Variants in FTCDNL1 observed in about 807,000 individuals in gnomAD.
The protein encoded by FTCDNL1 is formiminotransferase N-terminal subdomain-containing protein.
FTCDNL1 carries 11 observed loss-of-function variants against 5.9 expected under a neutral mutation model. That is an observed-to-expected ratio of 1.87 (90% CI 1.18 to 3.10). The LOEUF is 3.10. Ranked by LOEUF, FTCDNL1 falls within the 30% of genes most tolerant of loss-of-function variation. The pLI is 0.00. For synonymous variants in FTCDNL1, 58 were observed against 24.8 expected (o/e 2.34, Z -3.99); for missense variants, 115 against 65.5 (o/e 1.76, Z -2.61).
At chr2:199,819,522 A>G (rs1369602194) in intron 4 of FTCDNL1, 50 bp downstream of exon 4, 2 of 684,154 alleles carry the variant, frequency 2.9e-6, no homozygotes, top group African/African-American at 3.6e-5. Context: ...GGGGACCTCA[A>G]GTTTAAAAAA....
the FTCDNL1 span, among the ~76,000 whole-genome samples, chr2:199,745,205 G>A: frequency 7.2e-5 from 11 of 152,188 alleles, no homozygotes; most frequent in Non-Finnish European, 1.2e-4. Flanking sequence ...GGTTACTAAC[G>A]CCTATTACAT....
chr2:199,704,657 C>G, the FTCDNL1 span, among the ~76,000 whole-genome samples: 1 of 151,960 alleles, frequency 6.6e-6, no homozygotes, highest in Non-Finnish European at 1.5e-5. Flanking sequence ...CTGTACAGTG[C>G]AGAAAGAAAA....
At chr2:199,732,499 T>C in the FTCDNL1 span, among the ~76,000 whole-genome samples, 3 of 152,208 alleles carry the variant, frequency 2.0e-5, no homozygotes, top group Non-Finnish European at 2.9e-5. Context: ...AGAAATTATT[T>C]TGATGTCCAT....
intron 1 of FTCDNL1, among the ~76,000 whole-genome samples, chr2:199,850,414 G>C (rs369577524): frequency 7.9e-5 from 12 of 152,216 alleles, no homozygotes; most frequent in African/African-American, 2.9e-4. Context: ...ACCCCTAACA[G>C]TGCAAAAGAA....
At chr2:199,748,650 G>T in the FTCDNL1 span, among the ~76,000 whole-genome samples, 2 of 152,094 alleles carry the variant, frequency 1.3e-5, no homozygotes, top group Non-Finnish European at 2.9e-5. Flanking sequence ...TACTATTAGC[G>T]ATAGTTCTAA....
chr2:199,735,916 C>T, the FTCDNL1 span, among the ~76,000 whole-genome samples: 4 of 152,268 alleles, frequency 2.6e-5, no homozygotes, highest in South Asian at 2.1e-4. Flanking sequence ...CATACGACAG[C>T]GGACAAATCT....
the FTCDNL1 span, among the ~76,000 whole-genome samples, chr2:199,730,056 C>A: frequency 6.6e-6 from 1 of 152,190 alleles, no homozygotes; most frequent in Admixed American, 6.5e-5. Flanking sequence ...CACACATCCA[C>A]AACCATCTGA....
the FTCDNL1 span, among the ~76,000 whole-genome samples, chr2:199,708,819 A>G: frequency 1.3e-5 from 2 of 152,174 alleles, no homozygotes; most frequent in Non-Finnish European, 2.9e-5. Context: ...TTATTTGTGC[A>G]TGCCTTAGTA....
the FTCDNL1 span, among the ~76,000 whole-genome samples, chr2:199,745,923 C>T: frequency 6.6e-6 from 1 of 152,164 alleles, no homozygotes; most frequent in Non-Finnish European, 1.5e-5. Context: ...GGGTTCAAAG[C>T]ATTGCTTTTT....
Position 199,836,130 on chromosome 2 carries a change from T to C in FTCDNL1, c.211+9945A>G, listed in dbSNP as rs181452913. On this transcript the variant is annotated intron_variant, in intron 3 of 4. Coordinates refer to ENST00000420128, the MANE Select transcript of FTCDNL1 (RefSeq NM_001363886.2). Reference sequence around the variant, plus strand: ...ATTTGTTCCAATTAGGAGATTCTTATAAGACATTTATTCTTGTTGATATTT... The same window carrying C: ...ATTTGTTCCAATTAGGAGATTCTTACAAGACATTTATTCTTGTTGATATTT... Among the ~76,000 whole-genome samples the C allele has an allele frequency of 3.9e-5, 6 of 152,286 alleles. No individual in the cohort carries two copies. The East Asian group carries it at 9.6e-4, about 24-fold the overall frequency.
chr2:199,807,965 G>A (rs1344538293), downstream of FTCDNL1, among the ~76,000 whole-genome samples: 2 of 152,038 alleles, frequency 1.3e-5, no homozygotes, highest in Non-Finnish European at 2.9e-5. Flanking sequence ...AATTATCGGG[G>A]GTGCATTTCT....
the FTCDNL1 span, among the ~76,000 whole-genome samples, chr2:199,719,610 G>A: frequency 1.3e-5 from 2 of 150,562 alleles, no homozygotes; most frequent in African/African-American, 2.5e-5. Context: ...GATTATTTCA[G>A]GTAGTATGTT....
Position 199,810,047 on chromosome 2 carries a change from T to C in FTCDNL1, c.*2658A>G, listed in dbSNP as rs1330903158. On this transcript the variant is annotated 3_prime_UTR_variant, in exon 5 of 5. Transcript: ENST00000420128. ...TAAACTATCCGAAGGATTTTTTTTT[T>C]CCTAAAAGAGCTCGAACTTTCCAAA... Among the ~76,000 whole-genome samples, 1 of 152,108 alleles carries C rather than the reference T, an allele frequency of 6.6e-6. No individual in the cohort carries two copies. The highest frequency in any genetic ancestry group is 1.5e-5 in the Non-Finnish European group (1 of 67,996).
rs1190360840 is a variant in FTCDNL1, at chr2:199,810,341, T to C, written c.*2364A>G. 2.6e-5 allele frequency among the ~76,000 whole-genome samples: 4 copies of C among 152,182 alleles called. No homozygotes were observed. The highest frequency in any genetic ancestry group is 2.9e-5 in the Non-Finnish European group (2 of 68,038). ...ATTAGGGAAAGAGGTCACTAAAAAC[T>C]AACAAACAGCCTTGGAACTGGGAAA... On this transcript the variant is annotated 3_prime_UTR_variant, in exon 5 of 5. Transcript: ENST00000420128.
At chr2:199,677,121 C>T in the FTCDNL1 span, among the ~76,000 whole-genome samples, 17,315 of 152,156 alleles carry the variant, frequency 0.11, 1,310 homozygotes, top group Middle Eastern at 0.24. Flanking sequence ...TTCAATGTGC[C>T]ATGTGTGTAC....
In FTCDNL1 at chr2:199,823,598, T is replaced by A. The variant is rs118055330; in HGVS notation, c.212-3841A>T. Among the ~76,000 whole-genome samples the A allele has an allele frequency of 1.4e-3, 218 of 152,314 alleles. 8 individuals carry two copies. The East Asian group carries it at 0.038, about 27-fold the overall frequency. Reference sequence around the variant, plus strand: ...CCATCAGAGCTCTTGGGTGGCAAGGTGCATTGTCAATGGGCAGGAATATTT... The same window carrying A: ...CCATCAGAGCTCTTGGGTGGCAAGGAGCATTGTCAATGGGCAGGAATATTT... On this transcript the variant is annotated intron_variant, in intron 3 of 4. Coordinates refer to ENST00000420128, the MANE Select transcript of FTCDNL1 (RefSeq NM_001363886.2).
chr2:199,703,428 G>C, the FTCDNL1 span, among the ~76,000 whole-genome samples: 2 of 152,170 alleles, frequency 1.3e-5, no homozygotes, highest in African/African-American at 4.8e-5. Flanking sequence ...AGATACTTCA[G>C]TGATAATTTT....
chr2:199,687,397 A>G, the FTCDNL1 span, among the ~76,000 whole-genome samples: 10 of 152,250 alleles, frequency 6.6e-5, no homozygotes, highest in Non-Finnish European at 1.2e-4. Context: ...AGGAAATGAA[A>G]GTTCCGATTT....
intron 3 of FTCDNL1, among the ~76,000 whole-genome samples, chr2:199,802,992 T>G (rs534856827): frequency 6.6e-6 from 1 of 152,004 alleles, no homozygotes; most frequent in South Asian, 2.1e-4. Context: ...AAGACCAGCC[T>G]GGGCAACAGA....
Sources: allele counts gnomAD v4.1 joint callset (sites outside exome capture counted in the v4.1 genomes callset), GRCh38; gene constraint gnomAD v4.1.1; transcripts MANE v1.5; gene names NCBI Gene and HGNC (gene_info 2026-07-23, HGNC 2026-07-21).